Variants in PACRG observed in about 807,000 individuals in gnomAD.
PACRG encodes the protein parkin coregulated gene protein.
In PACRG, 29 loss-of-function variants were observed where a neutral mutation model predicts 29.7. The observed-to-expected ratio is 0.98, with a 90% CI of 0.73 to 1.33. PACRG has a LOEUF of 1.33. Among genes scored for constraint, PACRG ranks in the 40% most tolerant of loss-of-function variants. The pLI, the probability that PACRG is intolerant of heterozygous loss-of-function variation, is 0.00. For missense variants in PACRG, 279 were observed against 316.2 expected (o/e 0.88, Z 0.89); for synonymous variants, 116 against 118.7 (o/e 0.98, Z 0.15).
At chr6:163,228,138 CAAG>C (rs1781877507) in intron 4 of PACRG, among the ~76,000 whole-genome samples, 1 of 151,412 alleles carries the variant, frequency 6.6e-6, no homozygotes, top group Admixed American at 6.6e-5. Context: ...TATTAGAAAA[CAAG>C]AAAATTATTT....
intron 3 of PACRG, among the ~76,000 whole-genome samples, chr6:163,080,660 G>T (rs533675738): frequency 1.3e-5 from 2 of 152,248 alleles, no homozygotes; most frequent in Admixed American, 1.3e-4. Flanking sequence ...ATGTCATGGA[G>T]AGAATGGCCA....
At chr6:163,235,469 G>T (rs1782199587) in intron 4 of PACRG, among the ~76,000 whole-genome samples, 1 of 152,154 alleles carries the variant, frequency 6.6e-6, no homozygotes. Flanking sequence ...TGTCTTGAGA[G>T]CATGGTGTTC....
intron 4 of PACRG, among the ~76,000 whole-genome samples, chr6:163,253,810 C>T (rs945027104): frequency 1.3e-5 from 2 of 152,224 alleles, no homozygotes; most frequent in Admixed American, 6.5e-5. Context: ...TCTTGGGGCA[C>T]ACATTTCCGA....
At chr6:163,263,388 C>T (rs1051935778) in intron 4 of PACRG, among the ~76,000 whole-genome samples, 1 of 152,180 alleles carries the variant, frequency 6.6e-6, no homozygotes, top group Non-Finnish European at 1.5e-5. Flanking sequence ...GTGGCGGCCG[C>T]AGCCTCTGTG....
chr6:162,749,543 CGG>C, intron 1 of PACRG, among the ~76,000 whole-genome samples: 1 of 152,040 alleles, frequency 6.6e-6, no homozygotes, highest in Admixed American at 6.6e-5. Flanking sequence ...TTTTTTGAGA[CGG>C]GGTCTTGCTC....
intron 4 of PACRG, among the ~76,000 whole-genome samples, chr6:163,107,107 A>G (rs1282953262): frequency 6.6e-6 from 1 of 152,176 alleles, no homozygotes; most frequent in Non-Finnish European, 1.5e-5. Context: ...GGAGAGAAAT[A>G]GATAAAGGAA....
At chr6:162,885,493 A>T in intron 2 of PACRG, among the ~76,000 whole-genome samples, 1 of 148,922 alleles carries the variant, frequency 6.7e-6, no homozygotes, top group African/African-American at 2.4e-5. Flanking sequence ...TTGATCTCGA[A>T]CTCCTGACCT....
At chr6:163,214,578 A>G (rs1267523427) in intron 4 of PACRG, among the ~76,000 whole-genome samples, 1 of 151,486 alleles carries the variant, frequency 6.6e-6, no homozygotes, top group African/African-American at 2.4e-5. Flanking sequence ...TCTTTTTTTA[A>G]TTTTTATTTT....
chr6:162,966,493 T>C (rs1467016055), intron 2 of PACRG, among the ~76,000 whole-genome samples: 5 of 150,044 alleles, frequency 3.3e-5, no homozygotes, highest in Admixed American at 3.3e-4. Context: ...TTTTTTTTTT[T>C]TGAGGCGGAG....
chr6:163,200,983 T>G (rs1470805940), intron 4 of PACRG, among the ~76,000 whole-genome samples: 2 of 152,214 alleles, frequency 1.3e-5, no homozygotes, highest in Non-Finnish European at 1.5e-5. Context: ...CCGCAGAACA[T>G]GGGTCCTGCC....
Position 163,258,754 on chromosome 6 carries a change from CA to C in PACRG, c.614-56057del, listed in dbSNP as rs11335989. Among the ~76,000 whole-genome samples, 961 of 121,328 alleles carry C rather than the reference CA, an allele frequency of 7.9e-3. 5 individuals carry two copies. The highest frequency in any genetic ancestry group is 0.023 in the African/African-American group (749 of 32,614). The allele number at this position is 121,328 out of a possible 152,430, so 79.6% of individuals were successfully genotyped here. A position where few individuals can be genotyped will look rare whatever the true frequency, so the allele number is the denominator to read the frequency against. ...CCTGGGTGACAGCGAGAATCCATCT[CA>C]AAAAAAAAAAAAAAATCAATAGTCT... On this transcript the variant is annotated intron_variant, in intron 4 of 4. Coordinates refer to ENST00000366888, the MANE Select transcript of PACRG (RefSeq NM_001080379.2).
chr6:163,163,096 A>C (rs976876701), intron 4 of PACRG, among the ~76,000 whole-genome samples: 1 of 152,216 alleles, frequency 6.6e-6, no homozygotes, highest in Non-Finnish European at 1.5e-5. Context: ...GAGGGACTGC[A>C]GGAAATCAGG....
chr6:163,250,651 T>G (rs1782866032), intron 4 of PACRG, among the ~76,000 whole-genome samples: 1 of 152,120 alleles, frequency 6.6e-6, no homozygotes, highest in South Asian at 2.1e-4. Flanking sequence ...GATCCAGCAA[T>G]CCCACTACTG....
At chr6:162,733,629 T>C (rs1002790133) in intron 1 of PACRG, among the ~76,000 whole-genome samples, 2 of 152,156 alleles carry the variant, frequency 1.3e-5, no homozygotes, top group Non-Finnish European at 2.9e-5. Context: ...GCTTCCTCTA[T>C]TGGGAAGGCC....
intron 4 of PACRG, among the ~76,000 whole-genome samples, chr6:163,213,526 T>A (rs1286096737): frequency 6.6e-6 from 1 of 152,214 alleles, no homozygotes; most frequent in Non-Finnish European, 1.5e-5. Context: ...AGAATGTCCT[T>A]GTTTGTAGGG....
At chr6:163,063,172 A>C (rs991798400) in intron 3 of PACRG, among the ~76,000 whole-genome samples, 3 of 152,132 alleles carry the variant, frequency 2.0e-5, no homozygotes, top group Non-Finnish European at 4.4e-5. Context: ...GCTACTACTA[A>C]TTAAAAGCAG....
intron 4 of PACRG, among the ~76,000 whole-genome samples, chr6:163,094,667 T>C (rs1814411330): frequency 1.3e-5 from 2 of 152,212 alleles, no homozygotes; most frequent in Admixed American, 1.3e-4. Context: ...GTGCCTAATA[T>C]GTGCTTGTGT....
At chr6:162,763,917 A>G (rs1451130128) in intron 1 of PACRG, among the ~76,000 whole-genome samples, 3 of 152,192 alleles carry the variant, frequency 2.0e-5, no homozygotes, top group Admixed American at 6.5e-5. Flanking sequence ...AAACTCGACT[A>G]TCTTCTTGAA....
intron 1 of PACRG, among the ~76,000 whole-genome samples, chr6:162,751,976 A>G (rs1350538223): frequency 6.6e-6 from 1 of 152,180 alleles, no homozygotes; most frequent in African/African-American, 2.4e-5. Flanking sequence ...TAATTTTTAC[A>G]TGGAATGAAA....
Sources: gnomAD v4.1 joint callset for allele counts (sites outside exome capture counted in the v4.1 genomes callset) on GRCh38, gnomAD v4.1.1 for gene constraint, MANE v1.5 for transcripts, NCBI Gene and HGNC (gene_info 2026-07-23, HGNC 2026-07-21) for gene names.